Variants in SEC16A observed in about 807,000 individuals in gnomAD.
SEC16A encodes the protein SEC16 homolog A, endoplasmic reticulum export factor, also known as protein transport protein Sec16A.
A neutral mutation model predicts 221.9 loss-of-function variants in SEC16A; 110 were observed. That is an observed-to-expected ratio of 0.50 (90% CI 0.42 to 0.58). The LOEUF (loss-of-function observed/expected upper bound fraction) is 0.58, where lower values mean the gene tolerates loss of function less well. Ranked by LOEUF, SEC16A falls within the 20% of genes least tolerant of loss-of-function variation. The probability of loss-of-function intolerance (pLI) is 0.00; values close to 1 mark genes in which losing one functional copy is unlikely to be tolerated. For missense variants in SEC16A, 3,165 were observed against 3,097.8 expected (o/e 1.02, Z -0.52); for synonymous variants, 1,393 against 1,257.7 (o/e 1.11, Z -2.28).
chr9:136,455,485 G>T, intron 20 of SEC16A, 116 bp downstream of exon 20: 1 of 982,330 alleles, frequency 1.0e-6, no homozygotes, highest in Non-Finnish European at 1.5e-6. Context: ...GTGAGACACT[G>T]CCTCCAACAG....
chr9:136,441,538 A>G lies in SEC16A; in HGVS notation c.*217T>C. 1.7e-6 allele frequency: 1 copy of G among 575,668 alleles called. No individual in the cohort carries two copies. 35.7% of individuals were successfully genotyped at this position (575,668 alleles called of 1,614,324 possible). ...TTCGGCAAACAATTCTGAGTCAAAGATTCAGTCTTTCCATCCAGAATCTGA... is the reference window on the plus strand; with the variant it reads ...TTCGGCAAACAATTCTGAGTCAAAGGTTCAGTCTTTCCATCCAGAATCTGA... On this transcript the variant is annotated 3_prime_UTR_variant, in exon 32 of 32. Transcript: ENST00000684901.
At position 136,459,873 on chromosome 9, in the gene SEC16A, C is replaced by T; in HGVS notation, c.5075G>A (p.Cys1692Tyr). ...ATCTCCCCATTTCTCGTCTCCACAG[C>T]ACTAACATGAGGAAAAACAAAACGA... ...MSGRMPAASTCCGDEKWGDWR... is the reference protein window; with the variant it reads ...MSGRMPAASTYCGDEKWGDWR... Residue 1692 changes from cysteine (C) to tyrosine (Y), a missense_variant and splice_region_variant, in exon 15 of 32, where the codon TGC becomes TAC. Physicochemically the swap from Cys to Tyr is radical, Grantham distance 194 (BLOSUM62 -2). Transcript: ENST00000684901. The surrounding 1 kb of genome is among the most constrained non-coding windows in gnomAD (Gnocchi z 6.1). 1 of 1,612,088 alleles carries T rather than the reference C, an allele frequency of 6.2e-7. No homozygotes were observed. The highest frequency in any genetic ancestry group is 1.1e-5 in the South Asian group (1 of 90,772).
chr9:136,465,242 G>C (rs1015116687), intron 8 of SEC16A, among the ~76,000 whole-genome samples: 3 of 152,240 alleles, frequency 2.0e-5, no homozygotes, highest in Non-Finnish European at 4.4e-5. Flanking sequence ...CTTGAGGTCA[G>C]GAGTTTGAGA....
At chr9:136,483,816 G>A, upstream of SEC16A, 1 of 984,860 alleles carries the variant, frequency 1.0e-6, no homozygotes, top group Non-Finnish European at 1.2e-6. Flanking sequence ...CGCATGCGCC[G>A]GGAGCGGCCG....
At position 136,477,282 on chromosome 9, in the gene SEC16A, C is replaced by T. The variant is rs752886068; in HGVS notation, c.334G>A (p.Gly112Arg). The change falls in exon 3 of 32, where the codon GGA becomes AGA. Residue 112 changes from glycine to arginine, a missense_variant. Gly to Arg is a moderately radical substitution (Grantham distance 125, BLOSUM62 -2). Transcript: ENST00000684901. Reference protein sequence around the residue: ...SSQGPCEPLPGPLTQPRAHAS... With the variant: ...SSQGPCEPLPRPLTQPRAHAS... The stretch of plus-strand genomic sequence containing the variant: ...TGTGCTCTGGGCTGTGTCAGAGGTC[C>T]AGGCAGGGGCTCACAGGGTCCCTGA... 6 of 1,613,898 alleles carry T rather than the reference C, an allele frequency of 3.7e-6. No homozygotes were observed. Among genetic ancestry groups the T allele is most frequent in the Middle Eastern group, 1.6e-4 (1 of 6,062 alleles).
In SEC16A at chr9:136,463,682, G is replaced by A. The variant is rs372600578; in HGVS notation, c.4505C>T (p.Ala1502Val). ...AATGCCTCAACAAGGAACATACTTG[G>A]CCAGGGGTCCCGGGAACGCCCGCAT... ...EEMRAFPGPL[A>V]KDDTHKVDVI... is the part of the protein sequence containing the mutation. The change falls in exon 10 of 32, where the codon GCC (alanine) becomes GTC (valine). Residue 1502 changes from alanine to valine, a missense_variant. Physicochemically the swap from Ala to Val is moderately conservative, Grantham distance 64. This residue lies in a region of SEC16A where 47 missense variants were observed against 85.0 expected (regional missense o/e 0.55). Coordinates refer to ENST00000684901, the MANE Select transcript of SEC16A (RefSeq NM_014866.2). The A allele has an allele frequency of 1.2e-6, 2 of 1,613,240 alleles. No individual in the cohort carries two copies. The highest frequency in any genetic ancestry group is 2.7e-5 in the African/African-American group (2 of 74,940).
chr9:136,473,082 C>T (rs1017262438), intron 3 of SEC16A, among the ~76,000 whole-genome samples: 1 of 152,254 alleles, frequency 6.6e-6, no homozygotes, highest in African/African-American at 2.4e-5. Flanking sequence ...CCTGGTCACA[C>T]GCACACAAAC....
In SEC16A at chr9:136,459,753, C is replaced by G. The variant is rs927969356; in HGVS notation, c.5191+4G>C. On this transcript the variant is annotated splice_donor_region_variant and intron_variant, in intron 15 of 31. Coordinates refer to ENST00000684901, the MANE Select transcript of SEC16A (RefSeq NM_014866.2). The surrounding 1 kb of genome is among the most constrained non-coding windows in gnomAD (Gnocchi z 6.1). ...CCCAATGCCCATCTCCACCCCTGACCTACCCAGAGTGTCGCCCATGGTAGC... is the reference window on the plus strand; with the variant it reads ...CCCAATGCCCATCTCCACCCCTGACGTACCCAGAGTGTCGCCCATGGTAGC... 1.9e-6 allele frequency: 3 copies of G among 1,602,742 alleles called. No homozygotes were observed. In the South Asian group the frequency reaches 3.4e-5, roughly 18 times the overall value.
intron 22 of SEC16A, among the ~76,000 whole-genome samples, chr9:136,452,791 G>T (rs1389033587): frequency 8.9e-6 from 1 of 112,804 alleles, no homozygotes. Flanking sequence ...AAAAAAAAAA[G>T]GCCAGGCTTG....
upstream of SEC16A, chr9:136,483,553 G>C (rs1246831835): frequency 4.8e-5 from 47 of 985,104 alleles, no homozygotes; most frequent in Non-Finnish European, 5.2e-5. Context: ...AGGCGCGCCG[G>C]GGCCGTCCCA....
At position 136,474,257 on chromosome 9, in the gene SEC16A, G is replaced by C; in HGVS notation, c.3359C>G (p.Ser1120Cys). The C allele has an allele frequency of 3.1e-6, 5 of 1,607,940 alleles. No individual in the cohort carries two copies. Among genetic ancestry groups the C allele is most frequent in the Non-Finnish European group, 3.4e-6 (4 of 1,177,420 alleles). Residue 1120 changes from serine to cysteine, a missense_variant, in exon 3 of 32, where the codon TCT becomes TGT. Coordinates refer to ENST00000684901, the MANE Select transcript of SEC16A (RefSeq NM_014866.2). ...QQLPPRPPQS[S>C]SVSLVSSGSG... ...GCCACTGGACACCAGAGACACGCTA[G>C]AGGACTGAGGAGGCCGAGGGGGCAG...
chr9:136,460,256 A>G (rs939766350), intron 13 of SEC16A, 133 bp from the exon 14 acceptor site: 1 of 643,194 alleles, frequency 1.6e-6, no homozygotes, highest in Non-Finnish European at 2.7e-6. Context: ...TGAGGTCAGA[A>G]GTTAAGAGAC....
In SEC16A at chr9:136,477,492, C is replaced by A. The variant is rs1266298286; in HGVS notation, c.124G>T (p.Ala42Ser). Residue 42 changes from alanine (A) to serine (S), a missense_variant, in exon 3 of 32, where the codon GCT becomes TCT. Coordinates refer to ENST00000684901, the MANE Select transcript of SEC16A (RefSeq NM_014866.2). ...RRRANNNAAV[A>S]PTTCPLQPVT... ...GGCTGCAACGGGCAAGTTGTCGGAGCCACTGCTGCATTATTATTAGCCCGT... is the reference window on the plus strand; with the variant it reads ...GGCTGCAACGGGCAAGTTGTCGGAGACACTGCTGCATTATTATTAGCCCGT... 7 of 1,613,840 alleles carry A rather than the reference C, an allele frequency of 4.3e-6. No homozygotes were observed. Among genetic ancestry groups the A allele is most frequent in the Non-Finnish European group, 5.1e-6 (6 of 1,179,898 alleles).
At position 136,455,492 on chromosome 9, in the gene SEC16A, A is replaced by G. The variant is rs763620624; in HGVS notation, c.5857+109T>C. 1.3e-4 allele frequency: 137 copies of G among 1,057,370 alleles called. 1 individual carries two copies. The highest frequency in any genetic ancestry group is 1.6e-4 in the Non-Finnish European group (119 of 750,224). The allele number at this position is 1,057,370 out of a possible 1,614,324, so 65.5% of individuals were successfully genotyped here. ...GAGGTGGTGTGAGACACTGCCTCCA[A>G]CAGTCCACATCTGAAAGCAGTTCTC... On this transcript the variant is annotated intron_variant, in intron 20 of 31. Coordinates refer to ENST00000684901, the MANE Select transcript of SEC16A (RefSeq NM_014866.2).
rs1370358366 is a variant in SEC16A, at chr9:136,474,580, G to T, written c.3036C>A (p.Ser1012=). Reference sequence around the variant, plus strand: ...GCTGAGAAGCGAGGCTGTCAGAATGGGACGGGTTGTACACGTTTACAGGAT... The same window carrying T: ...GCTGAGAAGCGAGGCTGTCAGAATGTGACGGGTTGTACACGTTTACAGGAT... ...LENPVNVYNP[S]HSDSLASQQS... is the part of the protein sequence containing the mutation. The change falls in exon 3 of 32, where the codon TCC becomes TCA. Residue 1012 remains serine (S), a synonymous_variant. Coordinates refer to ENST00000684901, the MANE Select transcript of SEC16A (RefSeq NM_014866.2). The T allele has an allele frequency of 6.2e-7, 1 of 1,612,906 alleles. No homozygotes were observed. The highest frequency in any genetic ancestry group is 1.7e-5 in the Admixed American group (1 of 59,988).
rs11146029 is a variant in SEC16A, at chr9:136,450,653, C to T, written c.6312+603G>A. Among the ~76,000 whole-genome samples, 472 of 152,296 alleles carry T rather than the reference C, an allele frequency of 3.1e-3. 2 individuals are homozygous for T. Among genetic ancestry groups the T allele is most frequent in the Admixed American group, 6.0e-3 (92 of 15,296 alleles). ...CAATGGCTAAGTTAAAGAACCGGCA[C>T]TGCCCAGTATTGGTGAAGATGAGGG... On this transcript the variant is annotated intron_variant, in intron 23 of 31. Transcript: ENST00000684901.
rs1248288005 is a variant in SEC16A at position 136,454,320 on chromosome 9, C to T, written c.5865G>A (p.Gln1955=). The T allele has an allele frequency of 1.3e-6, 2 of 1,572,406 alleles. No individual in the cohort carries two copies. Among genetic ancestry groups the T allele is most frequent in the Non-Finnish European group, 1.7e-6 (2 of 1,159,238 alleles). ...PSVRLLPSAP[Q]TLPDGPLASP... is the part of the protein sequence containing the mutation. ...TGGCCAATGGGCCGTCAGGGAGCGTCTGCGGAGCTGCATGGGAACGGTGGA... is the reference window on the plus strand; with the variant it reads ...TGGCCAATGGGCCGTCAGGGAGCGTTTGCGGAGCTGCATGGGAACGGTGGA... Residue 1955 remains glutamine (Q), a synonymous_variant, in exon 21 of 32, where the codon CAG becomes CAA. Coordinates refer to ENST00000684901, the MANE Select transcript of SEC16A (RefSeq NM_014866.2).
At position 136,465,887 on chromosome 9, in the gene SEC16A, C is replaced by T. The variant is rs1840075989; in HGVS notation, c.4303+75G>A. ...ACAATTCCAATCCCAGCCCTGACTC[C>T]CGTGTTCAGATGCCAGGCTGGGTGG... is the stretch of plus-strand genomic sequence containing the variant. On this transcript the variant is annotated intron_variant, in intron 8 of 31. Transcript: ENST00000684901. 3 of 1,446,412 alleles carry T rather than the reference C, an allele frequency of 2.1e-6. No homozygotes were observed. In the South Asian group the frequency reaches 3.8e-5, roughly 18 times the overall value. 89.6% of individuals were successfully genotyped at this position (1,446,412 alleles called of 1,614,324 possible).
At chr9:136,484,249 G>A (rs758023021), upstream of SEC16A, 7 of 631,770 alleles carry the variant, frequency 1.1e-5, no homozygotes, top group Non-Finnish European at 1.4e-5. Flanking sequence ...TCGGTGGCGA[G>A]TGGGCCCGGG....
Sources: allele counts gnomAD v4.1 joint callset (sites outside exome capture counted in the v4.1 genomes callset), GRCh38; gene constraint gnomAD v4.1.1; regional missense constraint gnomAD v4.1.1; non-coding constraint Gnocchi (gnomAD v3.1); transcripts MANE v1.5; gene names NCBI Gene and HGNC (gene_info 2026-07-23, HGNC 2026-07-21).